The following FGD6 variants were observed in gnomAD, a reference collection of about 807,000 sequenced individuals.
FGD6 encodes the protein FYVE, RhoGEF and PH domain-containing protein 6.
A neutral mutation model predicts 149.4 loss-of-function variants in FGD6; 90 were observed. The observed-to-expected ratio is 0.60, with a 90% CI of 0.51 to 0.72. FGD6 has a LOEUF of 0.72. FGD6 is among the 30% of genes least tolerant of loss of function. FGD6 has a pLI of 0.00. For missense variants in FGD6, 1,437 were observed against 1,684.8 expected (o/e 0.85, Z 2.57); for synonymous variants, 527 against 584.0 (o/e 0.90, Z 1.41).
At chr12:95,146,739 A>C (rs1361443787) in intron 5 of FGD6, among the ~76,000 whole-genome samples, 1 of 152,168 alleles carries the variant, frequency 6.6e-6, no homozygotes, top group African/African-American at 2.4e-5. Context: ...ATTATGAAGC[A>C]TATGATAATA....
rs1878062614 is a variant in FGD6 at position 95,091,799 on chromosome 12, T to C, written c.3758A>G (p.Gln1253Arg). 1.9e-5 allele frequency: 31 copies of C among 1,611,336 alleles called. No individual in the cohort carries two copies. The highest frequency in any genetic ancestry group is 2.6e-5 in the Non-Finnish European group (31 of 1,178,912). Residue 1253 changes from glutamine (Q) to arginine (R), a missense_variant, in exon 17 of 21, where the codon CAA (glutamine) becomes CGA (arginine). This residue lies in a region of FGD6 where 382 missense variants were observed against 538.7 expected (regional missense o/e 0.71). Transcript: ENST00000343958. ...GCCATACTTATTAGACGAACAAGCTTGGCATACAATCTGAAAACACATTGG... is the reference window on the plus strand; with the variant it reads ...GCCATACTTATTAGACGAACAAGCTCGGCATACAATCTGAAAACACATTGG... Reference protein sequence around the residue: ...HCRACGKIVCQACSSNKYGLD... With the variant: ...HCRACGKIVCRACSSNKYGLD...
intron 2 of FGD6, among the ~76,000 whole-genome samples, chr12:95,203,639 T>C (rs2056674690): frequency 6.6e-6 from 1 of 151,782 alleles, no homozygotes; most frequent in African/African-American, 2.4e-5. Flanking sequence ...GGCATCACTT[T>C]TCACCTTTGA....
chr12:95,105,919 A>G (rs1346908920), intron 13 of FGD6, among the ~76,000 whole-genome samples: 3 of 152,116 alleles, frequency 2.0e-5, no homozygotes, highest in African/African-American at 7.2e-5. Context: ...CTGAGTCAGG[A>G]GAATCTCTCA....
chr12:95,156,081 G>C (rs1880460416), intron 3 of FGD6, among the ~76,000 whole-genome samples: 1 of 152,100 alleles, frequency 6.6e-6, no homozygotes. Context: ...TCAGGACCCT[G>C]TGATGATTGT....
chr12:95,175,807 AAAAAAAAAAAAAG>A (rs1219476900), intron 2 of FGD6, among the ~76,000 whole-genome samples: 27 of 147,250 alleles, frequency 1.8e-4, no homozygotes, highest in African/African-American at 6.1e-4. Flanking sequence ...CTCAAAAAAA[AAAAAAAAAAAAAG>A]AAAAAAAAAA....
chr12:95,174,026 TA>T (rs1175848647), intron 2 of FGD6, among the ~76,000 whole-genome samples: 1 of 152,172 alleles, frequency 6.6e-6, no homozygotes, highest in Non-Finnish European at 1.5e-5. Context: ...CTCTCACTGC[TA>T]AAGACGGGGT....
In FGD6 at chr12:95,209,301, G is replaced by A. The variant is rs780587642; in HGVS notation, c.1983C>T (p.His661=). ...SSQLGDTTTG[H]LSSGEQKGIE... ...TCCCCTTCTGCTCCCCACTGGAGAG[G>A]TGGCCTGTGGTGGTGTCTCCGAGTT... The change falls in exon 2 of 21, where the codon CAC becomes CAT. Residue 661 remains histidine (H), a synonymous_variant. Transcript: ENST00000343958. 12 of 1,613,788 alleles carry A rather than the reference G, an allele frequency of 7.4e-6. No homozygotes were observed. The African/African-American group carries it at 1.1e-4, about 14-fold the overall frequency.
chr12:95,101,221 C>G (rs1350819224), intron 14 of FGD6, among the ~76,000 whole-genome samples: 1 of 152,012 alleles, frequency 6.6e-6, no homozygotes, highest in African/African-American at 2.4e-5. Flanking sequence ...GCGGCGCACC[C>G]CTGTAGTCCC....
chr12:95,192,317 G>A (rs1466367550), intron 2 of FGD6, among the ~76,000 whole-genome samples: 2 of 152,066 alleles, frequency 1.3e-5, no homozygotes, highest in African/African-American at 4.8e-5. Context: ...ATGATGAGTT[G>A]GTGCTGTGCA....
chr12:95,205,006 G>T (rs575051967), intron 2 of FGD6, among the ~76,000 whole-genome samples: 1 of 152,152 alleles, frequency 6.6e-6, no homozygotes, highest in Non-Finnish European at 1.5e-5. Context: ...GGTGGCTGAC[G>T]CCTATAATTC....
chr12:95,212,440 A>T (rs1400733371), intron 1 of FGD6, among the ~76,000 whole-genome samples: 5 of 152,238 alleles, frequency 3.3e-5, no homozygotes, highest in Non-Finnish European at 7.3e-5. Flanking sequence ...ATACTATAGG[A>T]ACCTAATAAA....
At chr12:95,183,893 G>A (rs899742685) in intron 2 of FGD6, among the ~76,000 whole-genome samples, 3 of 152,118 alleles carry the variant, frequency 2.0e-5, no homozygotes, top group Admixed American at 6.6e-5. Context: ...GTCTGGGATC[G>A]CGAGGTACAA....
Position 95,149,195 on chromosome 12 carries a change from A to ATATATAT in FGD6, c.2685+3615_2685+3616insATATATA, listed in dbSNP as rs368145528. Reference sequence around the variant, plus strand: ...TATTATATATTATATAATATATAGCATATATAATATTATATATTATATAAT... The same window carrying ATATATAT: ...TATTATATATTATATAATATATAGCATATATATTATATAATATTATATATTATATAAT... On this transcript the variant is annotated intron_variant, in intron 5 of 20. Transcript: ENST00000343958. Among the ~76,000 whole-genome samples the ATATATAT allele has an allele frequency of 1.2e-4, 2 of 16,100 alleles. 1 individual carries two copies. Among genetic ancestry groups the ATATATAT allele is most frequent in the African/African-American group, 1.4e-3 (2 of 1,400 alleles). 10.6% of individuals were successfully genotyped at this position (16,100 alleles called of 152,430 possible).
At chr12:95,213,224 T>C (rs2056736875) in intron 1 of FGD6, among the ~76,000 whole-genome samples, 1 of 152,204 alleles carries the variant, frequency 6.6e-6, no homozygotes, top group Non-Finnish European at 1.5e-5. Context: ...AAGTTGATTT[T>C]ATTTCTGTAA....
intron 3 of FGD6, among the ~76,000 whole-genome samples, chr12:95,170,448 C>A (rs1880958352): frequency 6.6e-6 from 1 of 152,090 alleles, no homozygotes; most frequent in Non-Finnish European, 1.5e-5. Flanking sequence ...TCGAGACCAG[C>A]CTGGCCAACA....
At chr12:95,172,518 G>C in intron 3 of FGD6, 82 bp downstream of exon 3, 1 of 1,224,830 alleles carries the variant, frequency 8.2e-7, no homozygotes, top group Non-Finnish European at 1.1e-6. Flanking sequence ...AAACTCACAA[G>C]GGTTTCTGTG....
intron 2 of FGD6, among the ~76,000 whole-genome samples, chr12:95,201,101 T>A (rs928484103): frequency 6.6e-6 from 1 of 152,084 alleles, no homozygotes; most frequent in Non-Finnish European, 1.5e-5. Context: ...AATGAATTTT[T>A]AAAAAATGTC....
At chr12:95,174,656 C>T (rs61695955) in intron 2 of FGD6, among the ~76,000 whole-genome samples, 13,805 of 152,098 alleles carry the variant, frequency 0.091, 820 homozygotes, top group African/African-American at 0.16. Flanking sequence ...TGGCCAGGCG[C>T]GGTGGCTCAC....
chr12:95,113,983 T>C (rs1245404511), intron 8 of FGD6, among the ~76,000 whole-genome samples: 1 of 152,204 alleles, frequency 6.6e-6, no homozygotes, highest in Non-Finnish European at 1.5e-5. Context: ...CAACCTCTAG[T>C]TGGCAGAGCC....
Sources: gnomAD v4.1 joint callset for allele counts (sites outside exome capture counted in the v4.1 genomes callset) on GRCh38, gnomAD v4.1.1 for gene constraint, gnomAD v4.1.1 regional missense constraint, MANE v1.5 for transcripts, NCBI Gene and HGNC (gene_info 2026-07-23, HGNC 2026-07-21) for gene names.